Variants in SYNDIG1 observed in about 807,000 individuals in gnomAD.
SYNDIG1 encodes the protein synapse differentiation-inducing gene protein 1.
SYNDIG1 carries 9 observed loss-of-function variants against 19.4 expected under a neutral mutation model. The ratio of observed to expected loss-of-function variants is 0.46; its 90% CI spans 0.28 to 0.81. The LOEUF (loss-of-function observed/expected upper bound fraction) is 0.81. SYNDIG1 is among the 30% of genes least tolerant of loss of function. SYNDIG1 has a pLI of 0.12. For missense variants in SYNDIG1, 311 were observed against 343.3 expected (o/e 0.91, Z 0.74); for synonymous variants, 141 against 145.9 (o/e 0.97, Z 0.24).
At position 24,510,591 on chromosome 20, in the gene SYNDIG1, G is replaced by A. The variant is rs888884506; in HGVS notation, c.-78-32429G>A. Among the ~76,000 whole-genome samples the A allele has an allele frequency of 1.0e-4, 15 of 150,282 alleles. No homozygotes were observed. In the East Asian group the frequency reaches 2.5e-3, roughly 26 times the overall value. ...TCTCAAAAAAAAAAAAAAAAGAAAA[G>A]AAATATTTTTCTCTGTTTGAGATCA... On this transcript the variant is annotated intron_variant, in intron 1 of 3. Transcript: ENST00000376862.
At chr20:24,652,741 C>A (rs779737406) in intron 3 of SYNDIG1, among the ~76,000 whole-genome samples, 1 of 152,096 alleles carries the variant, frequency 6.6e-6, no homozygotes, top group Non-Finnish European at 1.5e-5. Context: ...CAGCCATGTG[C>A]AGGGGAGGGC....
chr20:24,485,227 A>T (rs2055923085), intron 1 of SYNDIG1, among the ~76,000 whole-genome samples: 1 of 152,224 alleles, frequency 6.6e-6, no homozygotes, highest in Admixed American at 6.5e-5. Context: ...AAACAGACTA[A>T]GACACATAGT....
intron 1 of SYNDIG1, among the ~76,000 whole-genome samples, chr20:24,510,537 C>T (rs982138004): frequency 6.8e-6 from 1 of 146,614 alleles, no homozygotes; most frequent in African/African-American, 2.5e-5. Context: ...CCATTGCACT[C>T]TGGTCTGGGT....
chr20:24,477,337 T>A (rs2055660649), intron 1 of SYNDIG1, among the ~76,000 whole-genome samples: 1 of 118,562 alleles, frequency 8.4e-6, no homozygotes, highest in Non-Finnish European at 1.5e-5. Context: ...ACTGTTTTGT[T>A]TTTTTTTTCT....
intron 3 of SYNDIG1, among the ~76,000 whole-genome samples, chr20:24,663,853 CTCTT>C (rs1289449919): frequency 6.6e-6 from 1 of 152,170 alleles, no homozygotes; most frequent in African/African-American, 2.4e-5. Context: ...TGAGCAATGA[CTCTT>C]TCAGTTAGCG....
chr20:24,552,563 T>G (rs1600601726), intron 2 of SYNDIG1, among the ~76,000 whole-genome samples: 2 of 27,146 alleles, frequency 7.4e-5, no homozygotes, highest in African/African-American at 1.7e-4. Context: ...AGATGTTTGT[T>G]TTTTTTTGTC....
intron 1 of SYNDIG1, among the ~76,000 whole-genome samples, chr20:24,521,725 C>T (rs1011545686): frequency 6.6e-6 from 1 of 151,924 alleles, no homozygotes; most frequent in African/African-American, 2.4e-5. Context: ...GGACAAAACC[C>T]CGTCTCTACT....
rs138021294 is a variant in SYNDIG1, at chr20:24,601,288, T to C, written c.618+16295T>C. Among the ~76,000 whole-genome samples the C allele has an allele frequency of 2.6e-5, 4 of 152,360 alleles. No homozygotes were observed. The East Asian group carries it at 7.7e-4, about 29-fold the overall frequency. On this transcript the variant is annotated intron_variant, in intron 3 of 3. Transcript: ENST00000376862. ...AGAGATTGATGTATATTATCCTTTG[T>C]GGTAATTTCTTCATTAAGTTTTGAT... is the stretch of plus-strand genomic sequence containing the variant.
chr20:24,560,420 C>T (rs1428916830), intron 2 of SYNDIG1, among the ~76,000 whole-genome samples: 3 of 151,956 alleles, frequency 2.0e-5, no homozygotes, highest in African/African-American at 7.3e-5. Flanking sequence ...ATTGATCTTT[C>T]AAATGTGTAG....
At chr20:24,582,869 C>T (rs2058353516) in intron 2 of SYNDIG1, among the ~76,000 whole-genome samples, 1 of 152,214 alleles carries the variant, frequency 6.6e-6, no homozygotes. Flanking sequence ...TGACCTGTGC[C>T]CAGCAGGAGG....
chr20:24,589,494 G>T (rs2058472283), intron 3 of SYNDIG1, among the ~76,000 whole-genome samples: 1 of 152,228 alleles, frequency 6.6e-6, no homozygotes, highest in Admixed American at 6.5e-5. Flanking sequence ...GGGGAGGAAA[G>T]CCTGTCTGAG....
chr20:24,565,464 T>G (rs1192058248), intron 2 of SYNDIG1, among the ~76,000 whole-genome samples: 1 of 152,096 alleles, frequency 6.6e-6, no homozygotes, highest in Non-Finnish European at 1.5e-5. Flanking sequence ...ATCTGTAACT[T>G]GAGGTCCCAG....
At chr20:24,631,348 G>A (rs868853183) in intron 3 of SYNDIG1, among the ~76,000 whole-genome samples, 1 of 152,170 alleles carries the variant, frequency 6.6e-6, no homozygotes, top group Non-Finnish European at 1.5e-5. Flanking sequence ...GAGCTCCGGG[G>A]CAGGTGGAGG....
chr20:24,638,513 A>G (rs1033207910), intron 3 of SYNDIG1, among the ~76,000 whole-genome samples: 2 of 151,830 alleles, frequency 1.3e-5, no homozygotes, highest in Non-Finnish European at 2.9e-5. Flanking sequence ...ATGTACCACC[A>G]TGCCCGGTGA....
intron 1 of SYNDIG1, among the ~76,000 whole-genome samples, chr20:24,523,373 A>T (rs1224952283): frequency 6.6e-6 from 1 of 152,232 alleles, no homozygotes; most frequent in Non-Finnish European, 1.5e-5. Context: ...ACTGATGATG[A>T]TGACCACAAC....
At chr20:24,617,201 G>T (rs538699777) in intron 3 of SYNDIG1, among the ~76,000 whole-genome samples, 1 of 152,128 alleles carries the variant, frequency 6.6e-6, no homozygotes, top group South Asian at 2.1e-4. Flanking sequence ...GCACCCCATC[G>T]CATGACTCTG....
intron 1 of SYNDIG1, among the ~76,000 whole-genome samples, chr20:24,518,059 G>C (rs2056924983): frequency 6.6e-6 from 1 of 151,820 alleles, no homozygotes; most frequent in South Asian, 2.1e-4. Context: ...ACCTGCCTCA[G>C]CTTCCCAAAG....
At chr20:24,526,050 C>G (rs918580566) in intron 1 of SYNDIG1, among the ~76,000 whole-genome samples, 4 of 152,056 alleles carry the variant, frequency 2.6e-5, no homozygotes, top group African/African-American at 9.7e-5. Flanking sequence ...TATTTGTTGC[C>G]TAGGATTTTC....
At chr20:24,532,362 G>C (rs990780041) in intron 1 of SYNDIG1, among the ~76,000 whole-genome samples, 8 of 152,224 alleles carry the variant, frequency 5.3e-5, no homozygotes, top group Admixed American at 3.9e-4. Flanking sequence ...AGGCAGTCAT[G>C]AGAGGCCACA....
Sources: gnomAD v4.1 joint callset for allele counts (sites outside exome capture counted in the v4.1 genomes callset) on GRCh38, gnomAD v4.1.1 for gene constraint, MANE v1.5 for transcripts, NCBI Gene and HGNC (gene_info 2026-07-23, HGNC 2026-07-21) for gene names.